PKP4: variants seen among roughly 807,000 people sequenced by gnomAD.
PKP4 encodes plakophilin 4, also known as plakophilin-4.
A neutral mutation model predicts 145.1 loss-of-function variants in PKP4; 90 were observed. That is an observed-to-expected ratio of 0.62 (90% CI 0.52 to 0.74). The LOEUF (loss-of-function observed/expected upper bound fraction) is 0.74. Ranked by LOEUF, PKP4 falls within the 30% of genes least tolerant of loss-of-function variation. The probability of loss-of-function intolerance (pLI) is 0.00; values close to 1 mark genes in which losing one functional copy is unlikely to be tolerated. For synonymous variants in PKP4, 563 were observed against 577.2 expected, an observed-to-expected ratio of 0.98 and a Z score of 0.35; for missense variants, 1,340 against 1,482.7, an observed-to-expected ratio of 0.90 and a Z score of 1.58.
At chr2:158,671,638 G>T (rs1252897108) in intron 17 of PKP4, among the ~76,000 whole-genome samples, 1 of 152,180 alleles carries the variant, frequency 6.6e-6, no homozygotes, top group Non-Finnish European at 1.5e-5. Context: ...CTGCCTGCCT[G>T]CTGTGTGCCA....
chr2:158,525,653 T>A, intron 1 of PKP4, among the ~76,000 whole-genome samples: 1 of 118,396 alleles, frequency 8.4e-6, no homozygotes, highest in African/African-American at 3.4e-5. Flanking sequence ...CTGAAGGAAA[T>A]AGAGACACAG....
At chr2:158,532,671 G>A (rs1421024773) in intron 1 of PKP4, among the ~76,000 whole-genome samples, 1 of 152,122 alleles carries the variant, frequency 6.6e-6, no homozygotes, top group Admixed American at 6.5e-5. Flanking sequence ...CTAAAAAATA[G>A]ATTTTCTTTT....
In PKP4 at chr2:158,670,708, A is replaced by G. The variant is rs146002210; in HGVS notation, c.2924+793A>G. Reference sequence around the variant, plus strand: ...ATTGAGTTTTCTGCCACATACCCAGAAAGTATTAAAATTACTGCTCTGCAG... The same window carrying G: ...ATTGAGTTTTCTGCCACATACCCAGGAAGTATTAAAATTACTGCTCTGCAG... On this transcript the variant is annotated intron_variant, in intron 17 of 21. Coordinates refer to ENST00000389759, the MANE Select transcript of PKP4 (RefSeq NM_003628.6). Among the ~76,000 whole-genome samples, 686 of 152,314 alleles carry G rather than the reference A, an allele frequency of 4.5e-3. 5 individuals are homozygous for G. Among genetic ancestry groups the G allele is most frequent in the African/African-American group, 0.016 (650 of 41,560 alleles).
chr2:158,469,004 C>G (rs1283400702), intron 1 of PKP4, among the ~76,000 whole-genome samples: 1 of 151,964 alleles, frequency 6.6e-6, no homozygotes, highest in Non-Finnish European at 1.5e-5. Context: ...GTCTCGAACT[C>G]CTGGCCACAA....
At chr2:158,505,382 G>A (rs571308355) in intron 1 of PKP4, among the ~76,000 whole-genome samples, 1 of 151,138 alleles carries the variant, frequency 6.6e-6, no homozygotes, top group African/African-American at 2.4e-5. Context: ...TGCCTATCAG[G>A]AAAGCCAAAG....
chr2:158,614,724 A>G (rs960715535), intron 4 of PKP4, among the ~76,000 whole-genome samples: 2 of 152,220 alleles, frequency 1.3e-5, no homozygotes, highest in African/African-American at 4.8e-5. Flanking sequence ...TCAAGAATCC[A>G]GTTTTAGCCT....
chr2:158,621,228 C>G lies in PKP4; in HGVS notation c.413-3C>G. On this transcript the variant is annotated splice_region_variant and splice_polypyrimidine_tract_variant and intron_variant, in intron 5 of 21. Coordinates refer to ENST00000389759, the MANE Select transcript of PKP4 (RefSeq NM_003628.6). ...AAGATATTTCTTGGTTTCATTCTTA[C>G]AGGATCATTGGGTAACTCAAGAAGT... 6.2e-7 allele frequency: 1 copy of G among 1,614,014 alleles called. No individual in the cohort carries two copies. Among genetic ancestry groups the G allele is most frequent in the Admixed American group, 1.7e-5 (1 of 60,014 alleles).
intron 2 of PKP4, among the ~76,000 whole-genome samples, chr2:158,573,324 G>A (rs1389141524): frequency 6.6e-6 from 1 of 152,156 alleles, no homozygotes; most frequent in African/African-American, 2.4e-5. Context: ...TGCCATTTAT[G>A]GCTCTCTAAA....
intron 11 of PKP4, among the ~76,000 whole-genome samples, chr2:158,657,598 G>A (rs1234473884): frequency 6.6e-6 from 1 of 152,220 alleles, no homozygotes; most frequent in Non-Finnish European, 1.5e-5. Context: ...GTTACGGCAA[G>A]TGCTTTATTG....
intron 2 of PKP4, among the ~76,000 whole-genome samples, chr2:158,542,986 G>GTGGTATAGAACATAGA (rs2044658773): frequency 2.0e-5 from 3 of 152,144 alleles, no homozygotes; most frequent in Non-Finnish European, 4.4e-5. Context: ...ATAAGTGGTA[G>GTGGTATAGAACATAGA]ATTTTCTATG....
intron 2 of PKP4, among the ~76,000 whole-genome samples, chr2:158,568,365 A>G (rs930531797): frequency 1.3e-5 from 2 of 152,142 alleles, no homozygotes; most frequent in African/African-American, 4.8e-5. Context: ...ACAGGTTTCT[A>G]AACCCCACCC....
intron 1 of PKP4, among the ~76,000 whole-genome samples, chr2:158,485,985 G>A (rs1459526974): frequency 2.6e-5 from 4 of 151,786 alleles, no homozygotes; most frequent in Non-Finnish European, 5.9e-5. Context: ...TTCTAATTTT[G>A]GCCACATTAA....
chr2:158,566,682 C>T (rs1403076742), intron 2 of PKP4, among the ~76,000 whole-genome samples: 1 of 152,156 alleles, frequency 6.6e-6, no homozygotes, highest in African/African-American at 2.4e-5. Context: ...CTACAGCTTA[C>T]ACTCCTCCAA....
chr2:158,661,276 C>A, intron 12 of PKP4, 57 bp from the exon 13 acceptor site: 1 of 1,259,942 alleles, frequency 7.9e-7, no homozygotes, highest in Non-Finnish European at 1.2e-6. Flanking sequence ...GTTAAGTCCA[C>A]GTGGCTGATG....
intron 3 of PKP4, among the ~76,000 whole-genome samples, chr2:158,595,860 T>C (rs912798958): frequency 6.6e-6 from 1 of 152,028 alleles, no homozygotes; most frequent in Non-Finnish European, 1.5e-5. Flanking sequence ...AGATGCATAA[T>C]GGGAAATACA....
chr2:158,648,723 G>C (rs1282218498), intron 11 of PKP4, among the ~76,000 whole-genome samples: 2 of 152,186 alleles, frequency 1.3e-5, no homozygotes, highest in Non-Finnish European at 2.9e-5. Flanking sequence ...ACATAGCTGG[G>C]TGCAGTGGCT....
chr2:158,556,923 C>G (rs1178606320), intron 2 of PKP4, among the ~76,000 whole-genome samples: 1 of 152,164 alleles, frequency 6.6e-6, no homozygotes, highest in Non-Finnish European at 1.5e-5. Flanking sequence ...CTTGCCCCCT[C>G]CACCTTGAAA....
chr2:158,508,837 G>A (rs2041243732), intron 1 of PKP4, among the ~76,000 whole-genome samples: 1 of 152,136 alleles, frequency 6.6e-6, no homozygotes, highest in Non-Finnish European at 1.5e-5. Context: ...TACCTTAATT[G>A]TAGAGAGGTT....
chr2:158,608,808 C>CTTTCTTTTTTT (rs1558879615), intron 4 of PKP4, among the ~76,000 whole-genome samples: 1 of 86,182 alleles, frequency 1.2e-5, no homozygotes, highest in African/African-American at 5.1e-5. Flanking sequence ...TCTTTTCTTT[C>CTTTCTTTTTTT]TTTTTTTTTT....
Sources: gnomAD v4.1 joint callset for allele counts (sites outside exome capture counted in the v4.1 genomes callset) on GRCh38, gnomAD v4.1.1 for gene constraint, MANE v1.5 for transcripts, NCBI Gene and HGNC (gene_info 2026-07-23, HGNC 2026-07-21) for gene names.